HYCC1: variants seen among roughly 807,000 people sequenced by gnomAD.
HYCC1 encodes the protein hyccin PI4KA lipid kinase complex subunit 1, also known as hyccin.
chr7:22,983,657 A>C, the HYCC1 span: 1 of 372,058 alleles, frequency 2.7e-6, no homozygotes, highest in African/African-American at 2.1e-5. Context: ...GATGGCTCAT[A>C]ATGGGCACTC....
At chr7:22,973,760 A>ATTTC in the HYCC1 span, among the ~76,000 whole-genome samples, 1 of 152,164 alleles carries the variant, frequency 6.6e-6, no homozygotes, top group Non-Finnish European at 1.5e-5. Context: ...TTGAAGAATT[A>ATTTC]TTCAGTTCCC....
the HYCC1 span, among the ~76,000 whole-genome samples, chr7:23,004,929 C>A: frequency 3.4e-4 from 52 of 152,090 alleles, no homozygotes; most frequent in Non-Finnish European, 4.4e-5. Flanking sequence ...CCTCAGCCTC[C>A]TGAGTAGCTG....
chr7:22,919,881 A>G, the HYCC1 span, among the ~76,000 whole-genome samples: 1 of 152,234 alleles, frequency 6.6e-6, no homozygotes, highest in Non-Finnish European at 1.5e-5. Flanking sequence ...AAACAGAAAA[A>G]AAAACTATTT....
the HYCC1 span, among the ~76,000 whole-genome samples, chr7:22,965,432 A>T: frequency 6.6e-6 from 1 of 151,222 alleles, no homozygotes. Context: ...AGATCAATAG[A>T]TTTTACTTTT....
At chr7:22,921,846 A>G in the HYCC1 span, among the ~76,000 whole-genome samples, 1 of 152,208 alleles carries the variant, frequency 6.6e-6, no homozygotes, top group South Asian at 2.1e-4. Flanking sequence ...AAAAAAATCC[A>G]TGTACAAGTA....
At chr7:22,992,502 C>G in the HYCC1 span, among the ~76,000 whole-genome samples, 1 of 152,004 alleles carries the variant, frequency 6.6e-6, no homozygotes, top group Non-Finnish European at 1.5e-5. Context: ...CATTTATCCT[C>G]CTTAAAAGCC....
chr7:22,920,673 G>GA, the HYCC1 span, among the ~76,000 whole-genome samples: 20 of 152,182 alleles, frequency 1.3e-4, no homozygotes, highest in South Asian at 4.2e-3. Context: ...AAATCCACAT[G>GA]AAAAAACAAA....
chr7:23,003,880 T>C, the HYCC1 span, among the ~76,000 whole-genome samples: 13 of 152,290 alleles, frequency 8.5e-5, no homozygotes, highest in African/African-American at 2.6e-4. Context: ...GCCATAATAA[T>C]AAAAACAACA....
chr7:22,951,684 T>C, the HYCC1 span, among the ~76,000 whole-genome samples: 2 of 151,890 alleles, frequency 1.3e-5, no homozygotes, highest in South Asian at 2.1e-4. Flanking sequence ...TTATTTATAA[T>C]AGCAAAACTC....
chr7:22,915,838 G>T, the HYCC1 span, among the ~76,000 whole-genome samples: 9 of 152,006 alleles, frequency 5.9e-5, no homozygotes, highest in Non-Finnish European at 1.2e-4. Flanking sequence ...CTTCTTTTTA[G>T]TTATCCCCAC....
chr7:22,976,347 C>G, the HYCC1 span: 1 of 1,442,088 alleles, frequency 6.9e-7, no homozygotes, highest in South Asian at 1.1e-5. Context: ...CTTTAGAATT[C>G]TAAGAAGTCA....
the HYCC1 span, among the ~76,000 whole-genome samples, chr7:22,927,177 A>T: frequency 3.9e-5 from 6 of 152,242 alleles, no homozygotes; most frequent in African/African-American, 1.4e-4. Context: ...GGACACATTC[A>T]AAGAAGTGTG....
chr7:22,943,956 T>G, the HYCC1 span: 2 of 152,258 alleles, frequency 1.3e-5, no homozygotes, highest in African/African-American at 4.8e-5. Context: ...AGTTCATGCT[T>G]TTTGAAGAAC....
chr7:22,911,731 C>T, the HYCC1 span, among the ~76,000 whole-genome samples: 19 of 152,284 alleles, frequency 1.2e-4, 1 homozygote, highest in African/African-American at 4.6e-4. Context: ...GCATTCCAGC[C>T]TGGTGACACA....
At chr7:23,011,414 C>A in the HYCC1 span, among the ~76,000 whole-genome samples, 1 of 152,302 alleles carries the variant, frequency 6.6e-6, no homozygotes, top group East Asian at 1.9e-4. Context: ...ATCTTCCTTC[C>A]ATTTTTGTGT....
the HYCC1 span, among the ~76,000 whole-genome samples, chr7:22,949,837 T>A: frequency 6.6e-6 from 1 of 152,014 alleles, no homozygotes; most frequent in Non-Finnish European, 1.5e-5. Context: ...TAAGATCATG[T>A]GTTTTCCCAC....
At chr7:22,977,396 G>C in the HYCC1 span, 2 of 1,592,148 alleles carry the variant, frequency 1.3e-6, no homozygotes, top group South Asian at 2.2e-5. Context: ...CAATACTTTG[G>C]TATGTCCCTG....
At chr7:22,915,051 CA>C in the HYCC1 span, among the ~76,000 whole-genome samples, 1 of 152,192 alleles carries the variant, frequency 6.6e-6, no homozygotes, top group Non-Finnish European at 1.5e-5. Flanking sequence ...TATAAAAACT[CA>C]GCCCAGTTCA....
the HYCC1 span, chr7:22,978,317 C>A: frequency 6.2e-7 from 1 of 1,614,108 alleles, no homozygotes; most frequent in South Asian, 1.1e-5. Flanking sequence ...CACTGCTATG[C>A]ACATTTCTGC....
Sources: gnomAD v4.1 joint callset for allele counts (sites outside exome capture counted in the v4.1 genomes callset) on GRCh38, gnomAD v4.1.1 for gene constraint, MANE v1.5 for transcripts, NCBI Gene and HGNC (gene_info 2026-07-23, HGNC 2026-07-21) for gene names.